Variants in MKKS observed in about 807,000 individuals in gnomAD.
MKKS encodes the protein MKKS centrosomal shuttling protein.
In MKKS, 29 loss-of-function variants were observed where a neutral mutation model predicts 33.2. The observed-to-expected ratio is 0.87, with a 90% CI of 0.65 to 1.19. The LOEUF (loss-of-function observed/expected upper bound fraction) is 1.19. MKKS is among the 50% of genes most tolerant of loss of function. MKKS has a pLI of 0.00. For missense variants in MKKS, 661 were observed against 662.3 expected (o/e 1.00, Z 0.02); for synonymous variants, 260 against 244.0 (o/e 1.07, Z -0.61).
rs1162663644 is a variant in MKKS, at chr20:10,408,817, A to T, written c.986-14T>A. 2 of 1,599,116 alleles carry T rather than the reference A, an allele frequency of 1.3e-6. No homozygotes were observed. Among genetic ancestry groups the T allele is most frequent in the Non-Finnish European group, 8.6e-7 (1 of 1,168,050 alleles). On this transcript the variant is annotated splice_polypyrimidine_tract_variant and intron_variant, in intron 3 of 5. Coordinates refer to ENST00000347364, the MANE Select transcript of MKKS (RefSeq NM_170784.3). ...TAGGCTGTGTTCCTATTTTTTAAAGATTAGAAAATACAAGTTGTATAAGCA... is the reference window on the plus strand; with the variant it reads ...TAGGCTGTGTTCCTATTTTTTAAAGTTTAGAAAATACAAGTTGTATAAGCA...
chr20:10,425,967 A>T (rs2065011849), intron 1 of MKKS, among the ~76,000 whole-genome samples: 2 of 152,234 alleles, frequency 1.3e-5, no homozygotes, highest in African/African-American at 2.4e-5. Context: ...TAGAGTTGAT[A>T]TTTATAGTTT....
intron 2 of MKKS, among the ~76,000 whole-genome samples, chr20:10,419,773 G>A (rs1294452106): frequency 6.6e-6 from 1 of 152,192 alleles, no homozygotes; most frequent in South Asian, 2.1e-4. Context: ...CACATCCTGC[G>A]TGGATGAAGT....
Position 10,404,284 on chromosome 20 carries a change from T to C in MKKS, c.*963A>G, listed in dbSNP as rs537686595. ...CCCTTTATGCTGCTTTCTGAAGTCC[T>C]GCTAGAATACTCCTTATTGTCCTTC... On this transcript the variant is annotated 3_prime_UTR_variant, in exon 6 of 6. Transcript: ENST00000347364. The C allele has an allele frequency of 6.6e-6, 1 of 152,260 alleles. No homozygotes were observed. The highest frequency in any genetic ancestry group is 1.9e-4 in the East Asian group (1 of 5,182). 9.4% of individuals were successfully genotyped at this position (152,260 alleles called of 1,614,324 possible).
chr20:10,416,106 G>A (rs2064936459), intron 2 of MKKS, among the ~76,000 whole-genome samples: 1 of 152,206 alleles, frequency 6.6e-6, no homozygotes, highest in South Asian at 2.1e-4. Flanking sequence ...GTTACCATTA[G>A]ACGAATGGTC....
At chr20:10,407,850 T>G in intron 4 of MKKS, 124 bp from the exon 5 acceptor site, 2 of 767,562 alleles carry the variant, frequency 2.6e-6, no homozygotes, top group South Asian at 1.5e-5. Flanking sequence ...GAACAAAACT[T>G]GTGTGGTGCC....
At chr20:10,431,411 CAG>C (rs1354940725) in intron 1 of MKKS, among the ~76,000 whole-genome samples, 1 of 152,064 alleles carries the variant, frequency 6.6e-6, no homozygotes, top group African/African-American at 2.4e-5. Context: ...CTACTAGCCT[CAG>C]GGGGGAACTA....
In MKKS at chr20:10,403,510, G is replaced by C. The variant is rs1241731678; in HGVS notation, c.*1737C>G. 1.3e-5 allele frequency: 2 copies of C among 152,158 alleles called. No homozygotes were observed. Among genetic ancestry groups the C allele is most frequent in the Non-Finnish European group, 2.9e-5 (2 of 68,040 alleles). 9.4% of individuals were successfully genotyped at this position (152,158 alleles called of 1,614,324 possible). On this transcript the variant is annotated 3_prime_UTR_variant, in exon 6 of 6. Transcript: ENST00000347364. ...GATATCATAACTGGAATCACCCCAG[G>C]CTTCCTCAGGAGGTAGTTCTTTAAG... is the stretch of plus-strand genomic sequence containing the variant.
chr20:10,417,052 C>T (rs1417069191), intron 2 of MKKS, among the ~76,000 whole-genome samples: 3 of 151,760 alleles, frequency 2.0e-5, no homozygotes, highest in African/African-American at 7.3e-5. Flanking sequence ...AGTAAAAGAT[C>T]ACCTGGCCAA....
At chr20:10,417,461 C>A (rs1049851402) in intron 2 of MKKS, among the ~76,000 whole-genome samples, 1 of 151,692 alleles carries the variant, frequency 6.6e-6, no homozygotes, top group Non-Finnish European at 1.5e-5. Flanking sequence ...TATTTTAGAA[C>A]TTAGCCAGGT....
chr20:10,430,159 G>A (rs1440650716), intron 1 of MKKS, among the ~76,000 whole-genome samples: 1 of 152,190 alleles, frequency 6.6e-6, no homozygotes, highest in Middle Eastern at 3.2e-3. Flanking sequence ...AAATCCACTA[G>A]GATCTAGATC....
rs778024947 is a variant in MKKS at position 10,401,832 on chromosome 20, A to C, written c.*3415T>G. 1 of 152,218 alleles carries C rather than the reference A, an allele frequency of 6.6e-6. No individual in the cohort carries two copies. The highest frequency in any genetic ancestry group is 1.5e-5 in the Non-Finnish European group (1 of 68,030). The allele number at this position is 152,218 out of a possible 1,614,324, so 9.4% of individuals were successfully genotyped here. ...TGATATAGTTTAAATATCTTGTGTA[A>C]AATACTTCACTTACATAAAGTGCTT... On this transcript the variant is annotated 3_prime_UTR_variant, in exon 6 of 6. Coordinates refer to ENST00000347364, the MANE Select transcript of MKKS (RefSeq NM_170784.3).
At position 10,402,624 on chromosome 20, in the gene MKKS, AAG is replaced by A. The variant is rs2064816472; in HGVS notation, c.*2621_*2622del. ...TGAAAAGTAGAAGCCCCTAATCTAT[AAG>A]ATCAATTGGAGAGGTTCGCTGTGTC... On this transcript the variant is annotated 3_prime_UTR_variant, in exon 6 of 6. Coordinates refer to ENST00000347364, the MANE Select transcript of MKKS (RefSeq NM_170784.3). 1.3e-5 allele frequency: 2 copies of A among 152,220 alleles called. No individual in the cohort carries two copies. Among genetic ancestry groups the A allele is most frequent in the Non-Finnish European group, 2.9e-5 (2 of 68,042 alleles). 9.4% of individuals were successfully genotyped at this position (152,220 alleles called of 1,614,324 possible).
chr20:10,418,101 C>T (rs2064953243), intron 2 of MKKS, among the ~76,000 whole-genome samples: 1 of 152,092 alleles, frequency 6.6e-6, no homozygotes, highest in Non-Finnish European at 1.5e-5. Context: ...TTAAGTTTTT[C>T]TAGGTGATAA....
rs776235071 is a variant in MKKS at position 10,405,680 on chromosome 20, T to C, written c.1280A>G (p.Asn427Ser). Residue 427 changes from asparagine (N) to serine (S), a missense_variant, in exon 6 of 6, where the codon AAC becomes AGC. Transcript: ENST00000347364. ...ATCTTTGAGAATGCTTTCTGGGTCGTTGTGAGTCTAAAGAGTAATAAAAAC... is the reference window on the plus strand; with the variant it reads ...ATCTTTGAGAATGCTTTCTGGGTCGCTGTGAGTCTAAAGAGTAATAAAAAC... ...LAAYIRHKTH[N>S]DPESILKDDE... 16 of 1,613,380 alleles carry C rather than the reference T, an allele frequency of 9.9e-6. No homozygotes were observed. Among genetic ancestry groups the C allele is most frequent in the African/African-American group, 2.7e-5 (2 of 74,922 alleles).
chr20:10,407,891 T>C (rs1034225407), intron 4 of MKKS, among the ~76,000 whole-genome samples, 165 bp from the exon 5 acceptor site: 15 of 152,208 alleles, frequency 9.9e-5, no homozygotes, highest in African/African-American at 3.4e-4. Flanking sequence ...ACATTCTGAA[T>C]AGTAAGGTTT....
Position 10,413,083 on chromosome 20 carries a change from A to G in MKKS, c.432T>C (p.Phe144=), listed in dbSNP as rs1183097312. ...ETCGCRIPVD[F]SSTQILLCLV... ...AACAAAGGAGGATCTGAGTACTACT[A>G]AAGTCCACTGGGATTCGACAACCAC... The change falls in exon 3 of 6, where the codon TTT becomes TTC. Residue 144 remains phenylalanine (F), a synonymous_variant. Transcript: ENST00000347364. The G allele has an allele frequency of 5.0e-6, 8 of 1,613,872 alleles. No individual in the cohort carries two copies. The Admixed American group carries it at 6.7e-5, about 13-fold the overall frequency.
intron 3 of MKKS, among the ~76,000 whole-genome samples, chr20:10,411,133 C>T (rs943995931): frequency 9.9e-5 from 15 of 150,906 alleles, no homozygotes; most frequent in East Asian, 5.9e-4. Context: ...ATTACAAGTG[C>T]GGCCACCATG....
Position 10,405,208 on chromosome 20 carries a change from GTTTA to G in MKKS, c.*35_*38del, listed in dbSNP as rs753034212. On this transcript the variant is annotated 3_prime_UTR_variant, in exon 6 of 6. Coordinates refer to ENST00000347364, the MANE Select transcript of MKKS (RefSeq NM_170784.3). ...ATTTTTCTCAATTGCCAACAGACTA[GTTTA>G]TTTGTTTCTCTTGTAATACGAACAT... The G allele has an allele frequency of 1.3e-5, 20 of 1,521,348 alleles. No individual in the cohort carries two copies. Among genetic ancestry groups the G allele is most frequent in the South Asian group, 2.4e-5 (2 of 83,174 alleles). 94.2% of individuals were successfully genotyped at this position (1,521,348 alleles called of 1,614,324 possible). A position where few individuals can be genotyped will look rare whatever the true frequency, so the allele number is the denominator to read the frequency against.
intron 1 of MKKS, among the ~76,000 whole-genome samples, chr20:10,426,952 G>A (rs2065018111): frequency 1.3e-5 from 2 of 151,698 alleles, no homozygotes; most frequent in Admixed American, 1.3e-4. Context: ...AGAAGAGGGA[G>A]AACTTGCTAT....
Sources: gnomAD v4.1 joint callset for allele counts (sites outside exome capture counted in the v4.1 genomes callset) on GRCh38, gnomAD v4.1.1 for gene constraint, MANE v1.5 for transcripts, NCBI Gene and HGNC (gene_info 2026-07-23, HGNC 2026-07-21) for gene names.